The following DLG2 variants were observed in gnomAD, a reference collection of about 807,000 sequenced individuals.
DLG2 encodes the protein disks large homolog 2.
Under a neutral mutation model 132.5 loss-of-function variants are expected in DLG2, and 45 were observed. The ratio of observed to expected loss-of-function variants is 0.34; its 90% CI spans 0.27 to 0.44. The LOEUF (loss-of-function observed/expected upper bound fraction) is 0.44. Among genes scored for constraint, DLG2 ranks in the 20% least tolerant of loss-of-function variants. The pLI is 1.00. For missense variants in DLG2, 1,045 were observed against 1,196.9 expected, an observed-to-expected ratio of 0.87 and a Z score of 1.87; for synonymous variants, 424 against 419.6, an observed-to-expected ratio of 1.01 and a Z score of -0.13.
chr11:84,289,861 C>A (rs2097962625), intron 7 of DLG2, among the ~76,000 whole-genome samples: 2 of 152,266 alleles, frequency 1.3e-5, no homozygotes, highest in East Asian at 3.9e-4. Context: ...GTGTGATGAT[C>A]AGAGAAAGAA....
chr11:83,917,721 A>G (rs780725874), intron 15 of DLG2, among the ~76,000 whole-genome samples: 9 of 152,202 alleles, frequency 5.9e-5, no homozygotes, highest in Non-Finnish European at 1.3e-4. Context: ...ATAAGACTAT[A>G]AATCACAGTC....
chr11:85,391,383 C>A (rs1197829814), intron 3 of DLG2, among the ~76,000 whole-genome samples: 1 of 151,976 alleles, frequency 6.6e-6, no homozygotes, highest in Admixed American at 6.6e-5. Flanking sequence ...GGTACCAATC[C>A]CATTGGTACT....
intron 19 of DLG2, among the ~76,000 whole-genome samples, chr11:83,595,529 G>A (rs2057422928): frequency 6.6e-6 from 1 of 152,196 alleles, no homozygotes; most frequent in African/African-American, 2.4e-5. Flanking sequence ...TGCACAAGTG[G>A]CTCTGTGACC....
At chr11:84,624,364 CTT>C (rs1565485012) in intron 6 of DLG2, among the ~76,000 whole-genome samples, 2 of 152,144 alleles carry the variant, frequency 1.3e-5, no homozygotes, top group Admixed American at 1.3e-4. Flanking sequence ...GATAATAACA[CTT>C]TATTTCAATA....
At chr11:85,305,824 T>C (rs1441672178) in intron 3 of DLG2, among the ~76,000 whole-genome samples, 1 of 152,224 alleles carries the variant, frequency 6.6e-6, no homozygotes, top group Non-Finnish European at 1.5e-5. Flanking sequence ...GATTTCTTTC[T>C]TTTATACTGT....
intron 3 of DLG2, among the ~76,000 whole-genome samples, chr11:85,492,950 A>C (rs1019718491): frequency 6.6e-6 from 1 of 152,070 alleles, no homozygotes; most frequent in Non-Finnish European, 1.5e-5. Context: ...GAAGATGCTG[A>C]TTTTTGTTGG....
Position 83,562,572 on chromosome 11 carries a change from A to G in DLG2, c.1941-20714T>C, listed in dbSNP as rs555003216. On this transcript the variant is annotated intron_variant, in intron 19 of 27. Transcript: ENST00000376104. Reference sequence around the variant, plus strand: ...TTAAGGCTTTTATTTGAATAATGAGAAGAATAAAGAACAGGGAAAATGGTT... The same window carrying G: ...TTAAGGCTTTTATTTGAATAATGAGGAGAATAAAGAACAGGGAAAATGGTT... Among the ~76,000 whole-genome samples, 4 of 152,334 alleles carry G rather than the reference A, an allele frequency of 2.6e-5. No individual in the cohort carries two copies. The South Asian group carries it at 8.3e-4, about 32-fold the overall frequency.
chr11:83,545,607 G>A (rs1448542630), intron 19 of DLG2, among the ~76,000 whole-genome samples: 1 of 152,074 alleles, frequency 6.6e-6, no homozygotes, highest in Non-Finnish European at 1.5e-5. Flanking sequence ...TGAAGTGGGG[G>A]TGGGACTATT....
intron 7 of DLG2, among the ~76,000 whole-genome samples, chr11:84,464,942 A>C (rs2099090146): frequency 6.6e-6 from 1 of 151,186 alleles, no homozygotes; most frequent in South Asian, 2.1e-4. Flanking sequence ...ATATAAACAA[A>C]AAAATCCGTT....
intron 6 of DLG2, chr11:84,997,656 T>C (rs1452371653): frequency 6.6e-6 from 1 of 152,232 alleles, no homozygotes; most frequent in Non-Finnish European, 1.5e-5. Context: ...TATACTTTCC[T>C]TTCACTTCAA....
chr11:83,462,927 T>C (rs1302654840), intron 26 of DLG2, among the ~76,000 whole-genome samples: 1 of 152,040 alleles, frequency 6.6e-6, no homozygotes, highest in Non-Finnish European at 1.5e-5. Context: ...GCTTTATCTT[T>C]CCGGGTCTTC....
At chr11:84,529,804 C>T (rs768853731) in intron 7 of DLG2, among the ~76,000 whole-genome samples, 3 of 152,088 alleles carry the variant, frequency 2.0e-5, no homozygotes, top group Non-Finnish European at 2.9e-5. Context: ...TTAAAATTCA[C>T]ATAGAACCAA....
chr11:83,553,483 C>CGTGTGTGTGTGTGTGTGTGTGTGTGTGT (rs71959561), intron 19 of DLG2, among the ~76,000 whole-genome samples: 1 of 143,772 alleles, frequency 7.0e-6, no homozygotes, highest in African/African-American at 2.7e-5. Flanking sequence ...AAGTAAGCAC[C>CGTGTGTGTGTGTGTGTGTGTGTGTGTGT]GTGTGTGTGT....
chr11:84,800,731 CT>C (rs1257123661), intron 6 of DLG2: 1 of 152,274 alleles, frequency 6.6e-6, no homozygotes, highest in East Asian at 1.9e-4. Context: ...GTTTCCTTCT[CT>C]TTTCTCTAGT....
intron 21 of DLG2, among the ~76,000 whole-genome samples, chr11:83,519,896 A>C (rs927574777): frequency 2.0e-5 from 3 of 152,244 alleles, no homozygotes; most frequent in African/African-American, 4.8e-5. Context: ...CACTTCACCT[A>C]GAGCCATTAG....
chr11:85,082,730 T>C (rs76110665), intron 6 of DLG2, among the ~76,000 whole-genome samples: 16 of 142,182 alleles, frequency 1.1e-4, no homozygotes, highest in Admixed American at 9.4e-4. Context: ...TTTTTTCTTT[T>C]CTTTCTTTTT....
intron 6 of DLG2, among the ~76,000 whole-genome samples, chr11:84,729,103 CTTAGT>C (rs1272458717): frequency 1.4e-4 from 22 of 152,146 alleles, no homozygotes; most frequent in Admixed American, 1.1e-3. Context: ...CTGCTCTGAT[CTTAGT>C]TATTTCTTGT....
intron 6 of DLG2, among the ~76,000 whole-genome samples, chr11:84,591,319 T>C (rs561234829): frequency 6.6e-6 from 1 of 151,588 alleles, no homozygotes; most frequent in Non-Finnish European, 1.5e-5. Context: ...GCCTTGTTTT[T>C]TTTTTTTTGT....
chr11:85,541,752 C>A (rs1313253050), intron 3 of DLG2, among the ~76,000 whole-genome samples: 1 of 152,124 alleles, frequency 6.6e-6, no homozygotes, highest in Non-Finnish European at 1.5e-5. Context: ...CAGCCAAATT[C>A]TGCATCATGA....
Sources: gnomAD v4.1 joint callset for allele counts (sites outside exome capture counted in the v4.1 genomes callset) on GRCh38, gnomAD v4.1.1 for gene constraint, MANE v1.5 for transcripts, NCBI Gene and HGNC (gene_info 2026-07-23, HGNC 2026-07-21) for gene names.